The following MAP2 variants were observed in gnomAD, a reference collection of about 807,000 sequenced individuals.
MAP2 encodes the protein microtubule-associated protein 2.
In MAP2, 14 loss-of-function variants were observed where a neutral mutation model predicts 137.6. The observed-to-expected ratio is 0.10, with a 90% CI of 0.07 to 0.16. MAP2 has a LOEUF of 0.16. MAP2 is among the 10% of genes least tolerant of loss of function. MAP2 has a pLI of 1.00. For missense variants in MAP2, 2,088 were observed against 2,191.5 expected, an observed-to-expected ratio of 0.95 and a Z score of 0.94; for synonymous variants, 786 against 782.3, an observed-to-expected ratio of 1.00 and a Z score of -0.08.
At chr2:209,443,336 G>A (rs1169420556) in intron 1 of MAP2, among the ~76,000 whole-genome samples, 2 of 150,434 alleles carry the variant, frequency 1.3e-5, no homozygotes, top group African/African-American at 4.9e-5. Flanking sequence ...ATTCATTTTT[G>A]TAAATCCAGT....
At chr2:209,539,242 A>G (rs536690944) in intron 2 of MAP2, among the ~76,000 whole-genome samples, 2 of 152,380 alleles carry the variant, frequency 1.3e-5, no homozygotes, top group East Asian at 3.9e-4. Flanking sequence ...GCCAAGTATA[A>G]AGACCAAAGT....
At chr2:209,478,697 T>A (rs1707992609) in intron 1 of MAP2, among the ~76,000 whole-genome samples, 1 of 152,246 alleles carries the variant, frequency 6.6e-6, no homozygotes, top group Non-Finnish European at 1.5e-5. Context: ...TACCAACTTC[T>A]AGTGACTGCT....
At chr2:209,526,352 GA>G (rs769022996) in intron 2 of MAP2, among the ~76,000 whole-genome samples, 27 of 151,902 alleles carry the variant, frequency 1.8e-4, no homozygotes, top group Non-Finnish European at 3.4e-4. Flanking sequence ...CTAAATGTCT[GA>G]GTGCCTGAGA....
At chr2:209,466,858 T>C (rs2149662990) in intron 1 of MAP2, among the ~76,000 whole-genome samples, 1 of 152,328 alleles carries the variant, frequency 6.6e-6, no homozygotes, top group East Asian at 1.9e-4. Context: ...TACCTGGCTC[T>C]CACTGGATGA....
chr2:209,502,993 TTTTTTC>T (rs1270814775), intron 1 of MAP2, among the ~76,000 whole-genome samples: 1 of 121,486 alleles, frequency 8.2e-6, no homozygotes, highest in Admixed American at 9.6e-5. Context: ...ATTTCGGATT[TTTTTTC>T]TTTTTTTTTT....
intron 4 of MAP2, among the ~76,000 whole-genome samples, chr2:209,649,316 CTT>C (rs1170521222): frequency 6.6e-6 from 1 of 152,048 alleles, no homozygotes; most frequent in African/African-American, 2.4e-5. Flanking sequence ...TATGCCCAGT[CTT>C]TATCTTCTTT....
intron 2 of MAP2, among the ~76,000 whole-genome samples, chr2:209,549,985 T>A (rs1364317988): frequency 6.6e-6 from 1 of 152,222 alleles, no homozygotes; most frequent in Non-Finnish European, 1.5e-5. Context: ...AGGTACTGAT[T>A]TATTTTAAGG....
chr2:209,728,244 A>G (rs2074795657), intron 14 of MAP2, among the ~76,000 whole-genome samples: 1 of 152,224 alleles, frequency 6.6e-6, no homozygotes, highest in Admixed American at 6.5e-5. Flanking sequence ...CAAAAATAAG[A>G]TCACAAAGAA....
chr2:209,653,721 A>G (rs749299011), intron 5 of MAP2, among the ~76,000 whole-genome samples: 1 of 152,222 alleles, frequency 6.6e-6, no homozygotes, highest in Non-Finnish European at 1.5e-5. Flanking sequence ...TAACTCATTG[A>G]AAGAAAACTT....
intron 1 of MAP2, among the ~76,000 whole-genome samples, chr2:209,452,282 T>A (rs2149491831): frequency 6.6e-6 from 1 of 152,254 alleles, no homozygotes; most frequent in Non-Finnish European, 1.5e-5. Context: ...AAGACCTATT[T>A]CTAGGAGCTA....
chr2:209,655,727 GATCTATAC>G (rs1160014626), intron 5 of MAP2, among the ~76,000 whole-genome samples: 1 of 152,102 alleles, frequency 6.6e-6, no homozygotes, highest in Admixed American at 6.5e-5. Flanking sequence ...AAGGACCAGG[GATCTATAC>G]ATCAGCTCAC....
intron 3 of MAP2, among the ~76,000 whole-genome samples, chr2:209,587,369 G>A (rs1336159067): frequency 1.3e-5 from 2 of 151,966 alleles, no homozygotes; most frequent in Non-Finnish European, 2.9e-5. Context: ...CTTCAGGAAA[G>A]CATTTTTTTT....
intron 3 of MAP2, among the ~76,000 whole-genome samples, chr2:209,614,370 A>G (rs998637716): frequency 2.0e-5 from 3 of 152,196 alleles, no homozygotes; most frequent in South Asian, 2.1e-4. Context: ...CCTCCTATTT[A>G]TAGGGAGGCA....
At chr2:209,549,312 A>G (rs557401930) in intron 2 of MAP2, among the ~76,000 whole-genome samples, 8 of 152,270 alleles carry the variant, frequency 5.3e-5, no homozygotes, top group Admixed American at 4.6e-4. Flanking sequence ...GAGAAAACCA[A>G]GGTCTCTTCA....
chr2:209,648,376 G>A (rs1381203995), intron 4 of MAP2, among the ~76,000 whole-genome samples: 1 of 152,010 alleles, frequency 6.6e-6, no homozygotes, highest in African/African-American at 2.4e-5. Flanking sequence ...TGGCATTACA[G>A]GCGTGAGCCA....
intron 1 of MAP2, among the ~76,000 whole-genome samples, chr2:209,447,639 T>C (rs1466959415): frequency 6.6e-6 from 1 of 152,066 alleles, no homozygotes; most frequent in Non-Finnish European, 1.5e-5. Context: ...GTATCAATTC[T>C]TGATACTATC....
chr2:209,435,154 G>A, intron 1 of MAP2, among the ~76,000 whole-genome samples: 1 of 150,992 alleles, frequency 6.6e-6, no homozygotes, highest in African/African-American at 2.4e-5. Flanking sequence ...AGACAACCCT[G>A]CTTGTGCTAT....
At chr2:209,436,024 A>ATATATACAGTATATATTATATAT (rs1187754273) in intron 1 of MAP2, among the ~76,000 whole-genome samples, 1,074 of 122,492 alleles carry the variant, frequency 8.8e-3, no homozygotes, top group East Asian at 0.019. Flanking sequence ...ATTATATATA[A>ATATATACAGTATATATTATATAT]AATATATATA....
rs763603161 is a variant in MAP2 at position 209,694,979 on chromosome 2, G to A, written c.2809G>A (p.Ala937Thr). 7.0e-5 allele frequency: 113 copies of A among 1,614,032 alleles called. No homozygotes were observed. Among genetic ancestry groups the A allele is most frequent in the Non-Finnish European group, 8.8e-5 (104 of 1,180,036 alleles). The change falls in exon 8 of 16, where the codon GCG becomes ACG. Residue 937 changes from alanine (A) to threonine (T), a missense_variant. Transcript: ENST00000682079. ...GTTCAGTGTTGACAAAGAAGCATCC[G>A]CGCATATCTCTGGTGACAAATCAGG... ...DEFSVDKEAS[A>T]HISGDKSGLS...
Sources: gnomAD v4.1 joint callset for allele counts (sites outside exome capture counted in the v4.1 genomes callset) on GRCh38, gnomAD v4.1.1 for gene constraint, MANE v1.5 for transcripts, NCBI Gene and HGNC (gene_info 2026-07-23, HGNC 2026-07-21) for gene names.